Variants in IL20RB observed in about 807,000 individuals in gnomAD.
IL20RB encodes the protein interleukin 20 receptor subunit beta.
Under a neutral mutation model 33.3 loss-of-function variants are expected in IL20RB, and 21 were observed. The ratio of observed to expected loss-of-function variants is 0.63; its 90% CI spans 0.45 to 0.91. The LOEUF is 0.91. IL20RB is among the 40% of genes least tolerant of loss of function. The pLI is 0.00. For synonymous variants in IL20RB, 147 were observed against 146.8 expected, an observed-to-expected ratio of 1.00 and a Z score of -0.01; for missense variants, 345 against 384.8, an observed-to-expected ratio of 0.90 and a Z score of 0.86.
intron 6 of IL20RB, among the ~76,000 whole-genome samples, chr3:136,999,106 A>AT (rs1040132433): frequency 6.7e-6 from 1 of 149,082 alleles, no homozygotes; most frequent in Non-Finnish European, 1.5e-5. Context: ...TTTTCTTTTT[A>AT]TTTTTTTAGA....
chr3:136,995,532 C>T lies in IL20RB; in HGVS notation c.801C>T (p.Pro267=), dbSNP rs747784208. 70 of 1,614,032 alleles carry T rather than the reference C, an allele frequency of 4.3e-5. No individual in the cohort carries two copies. Among genetic ancestry groups the T allele is most frequent in the Middle Eastern group, 3.3e-4 (2 of 6,070 alleles). ...GGCTGCTCCAGTACTCCTGTTGCCC[C>T]GTGGTGGTCCTCCCAGACACCTTGG... is the stretch of plus-strand genomic sequence containing the variant. ...MGRLLQYSCC[P]VVVLPDTLKI... Residue 267 remains proline, a synonymous_variant, in exon 6 of 7, where the codon CCC becomes CCT. Transcript: ENST00000329582.
At position 136,972,368 on chromosome 3, in the gene IL20RB, C is replaced by T. The variant is rs183895666; in HGVS notation, c.89-8098C>T. Among the ~76,000 whole-genome samples the T allele has an allele frequency of 1.5e-3, 232 of 152,238 alleles. 1 individual carries two copies. Among genetic ancestry groups the T allele is most frequent in the African/African-American group, 5.3e-3 (222 of 41,556 alleles). ...ATTTGTCTCTGATTTTTGCAATAGT[C>T]TCAGGAGGATTGATATTAATTCTTC... is the stretch of plus-strand genomic sequence containing the variant. On this transcript the variant is annotated intron_variant, in intron 1 of 6. Coordinates refer to ENST00000329582, the MANE Select transcript of IL20RB (RefSeq NM_144717.4).
chr3:136,989,222 T>C lies in IL20RB; in HGVS notation c.407-219T>C, dbSNP rs549668567. ...GAAGAGAATTATAGCATTTGTCATT[T>C]GTTTCTTCATTTATTCATCACTCAA... is the stretch of plus-strand genomic sequence containing the variant. On this transcript the variant is annotated intron_variant, in intron 3 of 6. Transcript: ENST00000329582. Among the ~76,000 whole-genome samples the C allele has an allele frequency of 4.6e-5, 7 of 152,360 alleles. No individual in the cohort carries two copies. In the South Asian group the frequency reaches 1.4e-3, roughly 32 times the overall value.
At position 136,991,976 on chromosome 3, in the gene IL20RB, G is replaced by A. The variant is rs1369151159; in HGVS notation, c.570G>A (p.Val190=). The A allele has an allele frequency of 3.7e-6, 6 of 1,614,206 alleles. No individual in the cohort carries two copies. The highest frequency in any genetic ancestry group is 5.1e-6 in the Non-Finnish European group (6 of 1,180,030). Residue 190 remains valine, a synonymous_variant, in exon 5 of 7, where the codon GTG becomes GTA. Transcript: ENST00000329582. ...TGGTGAGGAGTGGGGGTATTCCAGT[G>A]CACCTAGAAACCATGGAGCCAGGGG... ...VKMVRSGGIP[V]HLETMEPGAA...
chr3:137,002,627 T>A (rs1454572950), intron 6 of IL20RB, among the ~76,000 whole-genome samples: 1 of 152,198 alleles, frequency 6.6e-6, no homozygotes, highest in Non-Finnish European at 1.5e-5. Context: ...GTTTTTTTTT[T>A]CTTGTAAATT....
At chr3:137,007,359 TC>T (rs200208540) in intron 6 of IL20RB, among the ~76,000 whole-genome samples, 3,199 of 152,300 alleles carry the variant, frequency 0.021, 123 homozygotes, top group African/African-American at 0.072. Flanking sequence ...GCAGAAGTTG[TC>T]TGCTGCCTTT....
At chr3:136,963,736 A>G (rs2108173543) in intron 1 of IL20RB, among the ~76,000 whole-genome samples, 1 of 115,980 alleles carries the variant, frequency 8.6e-6, no homozygotes, top group African/African-American at 3.4e-5. Context: ...GTACATGTGC[A>G]CATTGTGCAG....
chr3:137,007,279 C>G (rs546072279), intron 6 of IL20RB, among the ~76,000 whole-genome samples: 18 of 152,234 alleles, frequency 1.2e-4, no homozygotes, highest in African/African-American at 4.3e-4. Flanking sequence ...TGTCTGTTCT[C>G]GGAGGTCAAA....
At chr3:137,004,932 C>CT (rs1560078507) in intron 6 of IL20RB, among the ~76,000 whole-genome samples, 1 of 152,174 alleles carries the variant, frequency 6.6e-6, no homozygotes, top group African/African-American at 2.4e-5. Flanking sequence ...CTGCACACTG[C>CT]TTTAAATGTG....
At chr3:137,005,448 C>T (rs1942331443) in intron 6 of IL20RB, among the ~76,000 whole-genome samples, 1 of 152,260 alleles carries the variant, frequency 6.6e-6, no homozygotes, top group Non-Finnish European at 1.5e-5. Context: ...TCTGGGTGCT[C>T]CTGTATTGGG....
At chr3:136,976,004 C>T (rs1056648832) in intron 1 of IL20RB, among the ~76,000 whole-genome samples, 5 of 152,148 alleles carry the variant, frequency 3.3e-5, no homozygotes, top group African/African-American at 1.2e-4. Context: ...TATCTGGGTT[C>T]CGAGAGTTGT....
chr3:136,989,075 G>A (rs1261984452), intron 3 of IL20RB, among the ~76,000 whole-genome samples: 1 of 152,040 alleles, frequency 6.6e-6, no homozygotes, highest in Non-Finnish European at 1.5e-5. Context: ...TGACAGGAGG[G>A]GCATGGATCA....
At chr3:137,008,012 T>C (rs1932971915) in intron 6 of IL20RB, among the ~76,000 whole-genome samples, 1 of 152,212 alleles carries the variant, frequency 6.6e-6, no homozygotes, top group African/African-American at 2.4e-5. Context: ...TGTTTAAAAA[T>C]ATAATTTATT....
At chr3:136,985,982 A>T (rs1217409283) in intron 3 of IL20RB, among the ~76,000 whole-genome samples, 4 of 152,100 alleles carry the variant, frequency 2.6e-5, no homozygotes, top group Non-Finnish European at 4.4e-5. Context: ...TAGGCTGGGC[A>T]TGGTGGCTCA....
intron 4 of IL20RB, among the ~76,000 whole-genome samples, chr3:136,990,058 TG>T (rs1942000606): frequency 6.6e-6 from 1 of 151,828 alleles, no homozygotes; most frequent in Non-Finnish European, 1.5e-5. Flanking sequence ...TATGAGCAGG[TG>T]GGCCATGCAG....
At chr3:136,974,905 A>G (rs1295777360) in intron 1 of IL20RB, among the ~76,000 whole-genome samples, 1 of 152,158 alleles carries the variant, frequency 6.6e-6, no homozygotes, top group African/African-American at 2.4e-5. Flanking sequence ...TGAAGCTTTC[A>G]AATGTATTTT....
chr3:136,984,552 T>A (rs1312241651), intron 3 of IL20RB, among the ~76,000 whole-genome samples: 2 of 151,884 alleles, frequency 1.3e-5, no homozygotes, highest in Non-Finnish European at 2.9e-5. Flanking sequence ...GGGGCAGAAT[T>A]TGCAGCATTC....
At chr3:136,986,849 C>A in intron 3 of IL20RB, 1 of 431,490 alleles carries the variant, frequency 2.3e-6, no homozygotes, top group Admixed American at 2.6e-5. Context: ...CGGATGTGTT[C>A]AGAGTTTCTT....
At chr3:136,958,736 A>C (rs561469915) in intron 1 of IL20RB, among the ~76,000 whole-genome samples, 5 of 152,224 alleles carry the variant, frequency 3.3e-5, no homozygotes, top group Non-Finnish European at 5.9e-5. Flanking sequence ...GTGAGATTAC[A>C]TAGTTTTCTC....
Sources: allele counts gnomAD v4.1 joint callset (sites outside exome capture counted in the v4.1 genomes callset), GRCh38; gene constraint gnomAD v4.1.1; transcripts MANE v1.5; gene names NCBI Gene and HGNC (gene_info 2026-07-23, HGNC 2026-07-21).